The following LRP5 variants were observed in gnomAD, a reference collection of about 807,000 sequenced individuals.
LRP5 encodes low-density lipoprotein receptor-related protein 5.
A neutral mutation model predicts 154.1 loss-of-function variants in LRP5; 62 were observed. That is an observed-to-expected ratio of 0.40 (90% CI 0.33 to 0.50). LRP5 has a LOEUF of 0.50. Ranked by LOEUF, LRP5 falls within the 20% of genes least tolerant of loss-of-function variation. LRP5 has a pLI of 0.55. For synonymous variants in LRP5, 966 were observed against 1,011.5 expected, an observed-to-expected ratio of 0.96 and a Z score of 0.85; for missense variants, 1,915 against 2,336.7, an observed-to-expected ratio of 0.82 and a Z score of 3.72.
In LRP5 at chr11:68,433,801, A is replaced by C. The variant is rs772355850; in HGVS notation, c.3963A>C (p.Ala1321=). The C allele has an allele frequency of 6.2e-7, 1 of 1,612,644 alleles. No individual in the cohort carries two copies. Among genetic ancestry groups the C allele is most frequent in the Non-Finnish European group, 8.5e-7 (1 of 1,179,744 alleles). ...TGCGCCTGCGCTGCGACGGCGAGGC[A>C]GACTGTCAGGACCGCTCAGACGAGG... is the stretch of plus-strand genomic sequence containing the variant. The part of the protein sequence containing the change: ...VDLRLRCDGE[A]DCQDRSDEAD... The change falls in exon 18 of 23, where the codon GCA becomes GCC. Residue 1321 remains alanine (A), a synonymous_variant. Transcript: ENST00000294304.
intron 4 of LRP5, among the ~76,000 whole-genome samples, 195 bp downstream of exon 4, chr11:68,364,138 G>A (rs1199586847): frequency 1.3e-5 from 2 of 151,838 alleles, no homozygotes; most frequent in Admixed American, 1.3e-4. Context: ...TGCAATGGAG[G>A]GAGGTGTGTG....
rs1565124185 is a variant in LRP5, at chr11:68,445,594, C to CT, written c.4489-839dup. 3 of 1,316,864 alleles carry CT rather than the reference C, an allele frequency of 2.3e-6. No individual in the cohort carries two copies. In the South Asian group the frequency reaches 3.7e-5, roughly 16 times the overall value. The allele number at this position is 1,316,864 out of a possible 1,614,324, so 81.6% of individuals were successfully genotyped here. A position where few individuals can be genotyped will look rare whatever the true frequency, so the allele number is the denominator to read the frequency against. ...GCAGGGGCTCGGATCTGGCTGTATG[C>CT]TTTCCAGGATGGCCTTGGAGACCCA... On this transcript the variant is annotated intron_variant, in intron 21 of 22. Transcript: ENST00000294304.
the LRP5 span, among the ~76,000 whole-genome samples, chr11:68,302,154 C>A: frequency 4.6e-5 from 7 of 151,008 alleles, no homozygotes; most frequent in African/African-American, 1.7e-4. Context: ...GTCAGGAGTT[C>A]AAGACCAGCC....
intron 21 of LRP5, chr11:68,445,627 C>T (rs1345889206): frequency 7.6e-7 from 1 of 1,318,322 alleles, no homozygotes; most frequent in African/African-American, 1.5e-5. Context: ...CCACATAAGC[C>T]CTACACCCTT....
At chr11:68,349,865 T>G (rs2098616793) in intron 2 of LRP5, among the ~76,000 whole-genome samples, 1 of 152,158 alleles carries the variant, frequency 6.6e-6, no homozygotes, top group Non-Finnish European at 1.5e-5. Context: ...CACCCTTACC[T>G]GGGCTGTGCT....
chr11:68,316,366 G>A (rs1218104762), intron 1 of LRP5, among the ~76,000 whole-genome samples: 1 of 152,056 alleles, frequency 6.6e-6, no homozygotes, highest in Non-Finnish European at 1.5e-5. Context: ...CTGCCTCCTG[G>A]GTTTAAGTGA....
chr11:68,331,525 A>G (rs569357142), intron 1 of LRP5, among the ~76,000 whole-genome samples: 1 of 152,366 alleles, frequency 6.6e-6, no homozygotes, highest in African/African-American at 2.4e-5. Flanking sequence ...TGTTGAGGGA[A>G]GACCCGGAGG....
intron 2 of LRP5, among the ~76,000 whole-genome samples, chr11:68,351,576 C>T (rs1201441989): frequency 6.6e-6 from 1 of 152,166 alleles, no homozygotes; most frequent in Admixed American, 6.5e-5. Flanking sequence ...AGGACCTGCG[C>T]TCCTCCTGTC....
intron 1 of LRP5, among the ~76,000 whole-genome samples, chr11:68,316,754 T>C (rs1455103134): frequency 6.6e-6 from 1 of 152,186 alleles, no homozygotes; most frequent in Non-Finnish European, 1.5e-5. Flanking sequence ...CCTGAGACTC[T>C]CCTGCCGAGG....
intron 7 of LRP5, among the ~76,000 whole-genome samples, chr11:68,397,972 T>TTGTGTGTGTGTGTGTGTGTGTGTGTGTG (rs113280059): frequency 2.1e-5 from 3 of 142,186 alleles, no homozygotes; most frequent in South Asian, 2.4e-4. Flanking sequence ...CTGTGTGTGT[T>TTGTGTGTGTGTGTGTGTGTGTGTGTGTG]TGTGTGTGTG....
chr11:68,446,299 A>G (rs370333791), intron 21 of LRP5, 137 bp from the exon 22 acceptor site: 2 of 705,652 alleles, frequency 2.8e-6, no homozygotes, highest in Non-Finnish European at 5.1e-6. Flanking sequence ...GGTTTTGCCA[A>G]CTGGCCAGAG....
upstream of LRP5, among the ~76,000 whole-genome samples, chr11:68,307,663 A>C (rs7130181): frequency 7.5e-3 from 1,147 of 152,222 alleles, 8 homozygotes; most frequent in Non-Finnish European, 9.8e-3. Context: ...GTCTCAAAAG[A>C]AAAAATTATC....
At chr11:68,381,734 A>G (rs560668624) in intron 5 of LRP5, among the ~76,000 whole-genome samples, 1 of 152,362 alleles carries the variant, frequency 6.6e-6, no homozygotes, top group African/African-American at 2.4e-5. Flanking sequence ...AATTCCTACC[A>G]AGACTCTGTA....
intron 13 of LRP5, among the ~76,000 whole-genome samples, chr11:68,420,206 G>T (rs1350524254): frequency 1.3e-5 from 2 of 152,156 alleles, no homozygotes; most frequent in African/African-American, 2.4e-5. Context: ...GAAACTGTCC[G>T]CATTGAACAC....
At chr11:68,303,423 A>G in the LRP5 span, among the ~76,000 whole-genome samples, 2 of 152,328 alleles carry the variant, frequency 1.3e-5, no homozygotes, top group Admixed American at 6.5e-5. Context: ...TTCATGCCCT[A>G]GGGATCTGTT....
chr11:68,341,056 G>GTTTTTTTTTTTTTT (rs1466472469), intron 1 of LRP5, among the ~76,000 whole-genome samples: 4 of 51,458 alleles, frequency 7.8e-5, no homozygotes, highest in East Asian at 2.8e-4. Context: ...GCTGGAGATT[G>GTTTTTTTTTTTTTT]TTCTTTTTTT....
At position 68,365,567 on chromosome 11, in the gene LRP5, T is replaced by C. The variant is rs314776; in HGVS notation, c.884-4T>C. On this transcript the variant is annotated splice_polypyrimidine_tract_variant and splice_region_variant and intron_variant, in intron 4 of 22. Coordinates refer to ENST00000294304, the MANE Select transcript of LRP5 (RefSeq NM_002335.4). ...CTTCTCTCACTCTGTCCTGGTTTTC[T>C]CAGTCCACACTCGCTGTGAGGAGGA... The C allele has an allele frequency of 0.4, 647,759 of 1,613,252 alleles. 139,962 individuals carry two copies. The highest frequency in any genetic ancestry group is 0.7 in the African/African-American group (52,527 of 74,840).
At chr11:68,426,729 C>T (rs1326913657) in intron 16 of LRP5, among the ~76,000 whole-genome samples, 2 of 152,296 alleles carry the variant, frequency 1.3e-5, no homozygotes, top group East Asian at 1.9e-4. Context: ...ACAACACCCA[C>T]GGATTGTCTC....
At chr11:68,421,351 T>A (rs1332263885) in intron 13 of LRP5, among the ~76,000 whole-genome samples, 1 of 151,842 alleles carries the variant, frequency 6.6e-6, no homozygotes, top group Non-Finnish European at 1.5e-5. Flanking sequence ...GTGGCCAGGG[T>A]GTCACGTCAC....
Sources: gnomAD v4.1 joint callset for allele counts (sites outside exome capture counted in the v4.1 genomes callset) on GRCh38, gnomAD v4.1.1 for gene constraint, MANE v1.5 for transcripts, NCBI Gene and HGNC (gene_info 2026-07-23, HGNC 2026-07-21) for gene names.